EXOC2: variants seen among roughly 807,000 people sequenced by gnomAD.
EXOC2 encodes the protein exocyst complex component 2, also known as SEC5-like 1.
Under a neutral mutation model 131.8 loss-of-function variants are expected in EXOC2, and 70 were observed. That is an observed-to-expected ratio of 0.53 (90% CI 0.44 to 0.65). The LOEUF is 0.65. EXOC2 is among the 30% of genes least tolerant of loss of function. The probability of loss-of-function intolerance (pLI) is 0.00; values close to 1 mark genes in which losing one functional copy is unlikely to be tolerated. For missense variants in EXOC2, 923 were observed against 1,108.6 expected, an observed-to-expected ratio of 0.83 and a Z score of 2.38; for synonymous variants, 411 against 398.4, an observed-to-expected ratio of 1.03 and a Z score of -0.38.
intron 12 of EXOC2, among the ~76,000 whole-genome samples, chr6:575,490 A>ATCCTCTCCCTCGCTCCCTCTCCC: frequency 6.6e-6 from 1 of 151,160 alleles, no homozygotes; most frequent in Non-Finnish European, 1.5e-5. Context: ...CTCCCTCTCC[A>ATCCTCTCCCTCGCTCCCTCTCCC]TCCTCTCCCT....
At position 647,543 on chromosome 6, in the gene EXOC2, T is replaced by G. The variant is rs926252416; in HGVS notation, c.-43-9682A>C. On this transcript the variant is annotated intron_variant, in intron 1 of 27. Transcript: ENST00000230449. Reference sequence around the variant, plus strand: ...AGACCAGATTCCTGGTGACCGGATCTGTAAGAGTCTAGTATCCTCTTCCTT... The same window carrying G: ...AGACCAGATTCCTGGTGACCGGATCGGTAAGAGTCTAGTATCCTCTTCCTT... Among the ~76,000 whole-genome samples, 5 of 141,352 alleles carry G rather than the reference T, an allele frequency of 3.5e-5. 1 individual carries two copies. The highest frequency in any genetic ancestry group is 1.3e-4 in the African/African-American group (5 of 37,756). The allele number at this position is 141,352 out of a possible 152,430, so 92.7% of individuals were successfully genotyped here.
At chr6:618,579 A>G (rs1489589863) in intron 5 of EXOC2, among the ~76,000 whole-genome samples, 1 of 152,234 alleles carries the variant, frequency 6.6e-6, no homozygotes, top group African/African-American at 2.4e-5. Flanking sequence ...TTCTACAATG[A>G]AAAAATTCAT....
chr6:670,700 A>G (rs115963228), intron 1 of EXOC2, among the ~76,000 whole-genome samples: 2,057 of 152,338 alleles, frequency 0.014, 19 homozygotes, highest in Middle Eastern at 0.031. Context: ...TAATCTCTGA[A>G]TGATTGGTCT....
rs150891820 is a variant in EXOC2 at position 551,119 on chromosome 6, G to A, written c.2122-1828C>T. On this transcript the variant is annotated intron_variant, in intron 21 of 27. Transcript: ENST00000230449. ...TAGTCAAAAGCTTATTAACAACTAAGATGGAGACGCACGTTTGAAAACAAC... is the reference window on the plus strand; with the variant it reads ...TAGTCAAAAGCTTATTAACAACTAAAATGGAGACGCACGTTTGAAAACAAC... 3.8e-3 allele frequency among the ~76,000 whole-genome samples: 574 copies of A among 152,326 alleles called. 9 individuals are homozygous for A. Among genetic ancestry groups the A allele is most frequent in the Non-Finnish European group, 2.8e-3 (193 of 68,036 alleles).
At chr6:565,231 G>A (rs931715537) in intron 13 of EXOC2, among the ~76,000 whole-genome samples, 10 of 152,138 alleles carry the variant, frequency 6.6e-5, no homozygotes, top group East Asian at 1.9e-4. Context: ...CAACGATGTC[G>A]TATGGTTAAA....
chr6:512,864 A>G (rs1764929714), intron 23 of EXOC2, among the ~76,000 whole-genome samples: 1 of 152,240 alleles, frequency 6.6e-6, no homozygotes, highest in African/African-American at 2.4e-5. Flanking sequence ...TGGTGTGAAG[A>G]TAACATACAA....
intron 23 of EXOC2, among the ~76,000 whole-genome samples, chr6:529,117 C>CA (rs780473191): frequency 3.5e-4 from 5 of 14,416 alleles, no homozygotes; most frequent in Non-Finnish European, 1.2e-3. Context: ...CTGCCTTTTA[C>CA]CCCCCCCCGC....
At chr6:513,415 A>C (rs1020098562) in intron 23 of EXOC2, among the ~76,000 whole-genome samples, 2 of 152,264 alleles carry the variant, frequency 1.3e-5, no homozygotes, top group Non-Finnish European at 2.9e-5. Flanking sequence ...AGAAGAAACG[A>C]AAGTCCAAGC....
chr6:487,304 TAACCACCAG>T (rs1005100232), intron 27 of EXOC2, among the ~76,000 whole-genome samples: 5 of 128,548 alleles, frequency 3.9e-5, no homozygotes, highest in Admixed American at 1.8e-4. Context: ...AGCAGTGAGT[TAACCACCAG>T]GGCAAGCAGG....
At position 485,289 on chromosome 6, in the gene EXOC2, T is replaced by A. The variant is rs1762987655; in HGVS notation, c.*1382A>T. ...AGTTAACATACTTAGGAAAGACAAT[T>A]CTTAACAGCTTTATCAAGCACATTT... On this transcript the variant is annotated 3_prime_UTR_variant, in exon 28 of 28. Coordinates refer to ENST00000230449, the MANE Select transcript of EXOC2 (RefSeq NM_018303.6). The A allele has an allele frequency of 1.3e-5, 2 of 152,220 alleles. No homozygotes were observed. Among genetic ancestry groups the A allele is most frequent in the African/African-American group, 4.8e-5 (2 of 41,450 alleles). 9.4% of individuals were successfully genotyped at this position (152,220 alleles called of 1,614,324 possible). A position where few individuals can be genotyped will look rare whatever the true frequency, so the allele number is the denominator to read the frequency against.
chr6:670,670 ATATT>A (rs1763822366), intron 1 of EXOC2, among the ~76,000 whole-genome samples: 3 of 152,234 alleles, frequency 2.0e-5, no homozygotes, highest in Non-Finnish European at 4.4e-5. Context: ...TACACTGAAA[ATATT>A]CAATTCCTTT....
At chr6:488,828 C>T (rs915072000) in intron 27 of EXOC2, 151 bp downstream of exon 27, 11 of 687,428 alleles carry the variant, frequency 1.6e-5, no homozygotes, top group African/African-American at 3.6e-5. Context: ...TACCTACTAA[C>T]GCTATTAAGT....
At chr6:556,067 T>C (rs1226385876) in intron 18 of EXOC2, 54 bp from the exon 19 acceptor site, 36 of 1,534,086 alleles carry the variant, frequency 2.3e-5, no homozygotes, top group Non-Finnish European at 3.1e-5. Flanking sequence ...AAAAGGTTTT[T>C]GTATATGAAG....
chr6:489,164 G>C (rs977867779), intron 26 of EXOC2, 126 bp from the exon 27 acceptor site: 1 of 809,922 alleles, frequency 1.2e-6, no homozygotes, highest in Non-Finnish European at 1.8e-6. Flanking sequence ...ATGAGAAAAA[G>C]TAAAAGTGAA....
chr6:682,452 G>A (rs1170845702), intron 1 of EXOC2, among the ~76,000 whole-genome samples: 1 of 151,920 alleles, frequency 6.6e-6, no homozygotes, highest in East Asian at 1.9e-4. Context: ...TGCCCGCCTT[G>A]GCCTCTCAAA....
rs1325757363 is a variant in EXOC2 at position 564,850 on chromosome 6, T to C, written c.1509+14A>G. The stretch of plus-strand genomic sequence containing the variant: ...CCCTGTGAAAAGGTCTACATACTTA[T>C]CACCCTTACTCACCTTAAAATCATT... On this transcript the variant is annotated intron_variant, in intron 14 of 27. Coordinates refer to ENST00000230449, the MANE Select transcript of EXOC2 (RefSeq NM_018303.6). 1 of 1,609,686 alleles carries C rather than the reference T, an allele frequency of 6.2e-7. No homozygotes were observed. Among genetic ancestry groups the C allele is most frequent in the Admixed American group, 1.7e-5 (1 of 58,890 alleles).
chr6:611,892 T>C (rs1363764999), intron 6 of EXOC2, among the ~76,000 whole-genome samples: 1 of 152,230 alleles, frequency 6.6e-6, no homozygotes, highest in Non-Finnish European at 1.5e-5. Context: ...ATCAAGGTTA[T>C]AGAAAGACTG....
intron 4 of EXOC2, among the ~76,000 whole-genome samples, chr6:621,146 G>C (rs1761270162): frequency 6.6e-6 from 1 of 152,196 alleles, no homozygotes; most frequent in African/African-American, 2.4e-5. Context: ...TCTCTAGCAA[G>C]GTGCTTGCAC....
At chr6:681,821 A>G (rs1291043847) in intron 1 of EXOC2, among the ~76,000 whole-genome samples, 3 of 152,242 alleles carry the variant, frequency 2.0e-5, no homozygotes, top group African/African-American at 7.2e-5. Context: ...CTGTGGTTCT[A>G]CAGATACTTT....
Sources: gnomAD v4.1 joint callset for allele counts (sites outside exome capture counted in the v4.1 genomes callset) on GRCh38, gnomAD v4.1.1 for gene constraint, MANE v1.5 for transcripts, NCBI Gene and HGNC (gene_info 2026-07-23, HGNC 2026-07-21) for gene names.